Variants in SETBP1 observed in about 807,000 individuals in gnomAD.
SETBP1 encodes SET-binding protein.
A neutral mutation model predicts 101.0 loss-of-function variants in SETBP1; 9 were observed. That is an observed-to-expected ratio of 0.09 (90% CI 0.05 to 0.16). The LOEUF (loss-of-function observed/expected upper bound fraction) is 0.16, where lower values mean the gene tolerates loss of function less well. SETBP1 is among the 10% of genes least tolerant of loss of function. The pLI, the probability that SETBP1 is intolerant of heterozygous loss-of-function variation, is 1.00. For missense variants in SETBP1, 1,858 were observed against 2,033.8 expected (o/e 0.91, Z 1.66); for synonymous variants, 818 against 788.5 (o/e 1.04, Z -0.63).
At chr18:44,840,142 C>T (rs1333332977) in intron 2 of SETBP1, among the ~76,000 whole-genome samples, 1 of 152,218 alleles carries the variant, frequency 6.6e-6, no homozygotes, top group East Asian at 1.9e-4. Context: ...GTACACTTCT[C>T]TTTATGAGGC....
Position 44,876,976 on chromosome 18 carries a change from G to A in SETBP1, c.540+7693G>A. ...AGATAATGCATTAGGCGGCCCTGAT[G>A]CAGCATTCACTGTCTTCCAGGGCAG... On this transcript the variant is annotated intron_variant, in intron 3 of 5. Transcript: ENST00000649279. 3 of 1,235,034 alleles carry A rather than the reference G, an allele frequency of 2.4e-6. No homozygotes were observed. In the South Asian group the frequency reaches 9.9e-5, roughly 41 times the overall value. The allele number at this position is 1,235,034 out of a possible 1,614,324, so 76.5% of individuals were successfully genotyped here.
At chr18:44,987,487 T>C (rs2072266772) in intron 4 of SETBP1, 1 of 152,242 alleles carries the variant, frequency 6.6e-6, no homozygotes, top group Non-Finnish European at 1.5e-5. Context: ...GGAAATTCTT[T>C]CAAGCCCTGC....
intron 4 of SETBP1, among the ~76,000 whole-genome samples, chr18:44,968,476 G>A (rs2071770546): frequency 6.6e-6 from 1 of 152,160 alleles, no homozygotes. Flanking sequence ...GGACGACCTG[G>A]GGGGAAGCCA....
At chr18:44,948,534 A>AGATAGAT (rs1568232397) in intron 3 of SETBP1, among the ~76,000 whole-genome samples, 7 of 150,146 alleles carry the variant, frequency 4.7e-5, no homozygotes, top group African/African-American at 1.5e-4. Flanking sequence ...GATAGATGAT[A>AGATAGAT]GATAGATATT....
chr18:45,050,213 G>A (rs765701705), intron 5 of SETBP1, among the ~76,000 whole-genome samples: 3 of 152,222 alleles, frequency 2.0e-5, no homozygotes, highest in African/African-American at 4.8e-5. Flanking sequence ...TTGAGGGCAA[G>A]AGCAATGCAT....
rs1165603460 is a variant in SETBP1 at position 45,066,212 on chromosome 18, T to G, written c.*2514T>G. ...TTAGAATTTCCAAAGCTCTGAAAGA[T>G]ATTTCAGGAGATTTAACAGCAGAGT... On this transcript the variant is annotated 3_prime_UTR_variant, in exon 6 of 6. Transcript: ENST00000649279. 3.9e-5 allele frequency: 6 copies of G among 152,190 alleles called. No individual in the cohort carries two copies. The highest frequency in any genetic ancestry group is 8.8e-5 in the Non-Finnish European group (6 of 68,034). The allele number at this position is 152,190 out of a possible 1,614,324, so 9.4% of individuals were successfully genotyped here. A position where few individuals can be genotyped will look rare whatever the true frequency, so the allele number is the denominator to read the frequency against.
intron 5 of SETBP1, among the ~76,000 whole-genome samples, chr18:45,048,189 A>G (rs1042133218): frequency 2.0e-5 from 3 of 152,178 alleles, no homozygotes; most frequent in Admixed American, 2.0e-4. Context: ...GTACTGCCAT[A>G]CTTTTTAATC....
chr18:44,788,002 G>C (rs1229622542), intron 2 of SETBP1, among the ~76,000 whole-genome samples: 1 of 144,696 alleles, frequency 6.9e-6, no homozygotes, highest in Non-Finnish European at 1.5e-5. Context: ...GTTTATTGGA[G>C]TTTTTTTTTT....
intron 2 of SETBP1, among the ~76,000 whole-genome samples, chr18:44,708,075 G>A (rs1029871482): frequency 6.6e-6 from 1 of 152,210 alleles, no homozygotes; most frequent in African/African-American, 2.4e-5. Flanking sequence ...GTTTGGCAGA[G>A]GGTGAGGGGT....
intron 2 of SETBP1, among the ~76,000 whole-genome samples, chr18:44,763,882 T>A (rs951323767): frequency 6.6e-6 from 1 of 152,214 alleles, no homozygotes. Flanking sequence ...CCTCTAAACA[T>A]TGGAGTGCCT....
chr18:44,814,527 A>T (rs1433234163), intron 2 of SETBP1, among the ~76,000 whole-genome samples: 2 of 152,236 alleles, frequency 1.3e-5, no homozygotes, highest in African/African-American at 4.8e-5. Context: ...GGCAAATTTT[A>T]GGTGGCCTAG....
At chr18:44,852,909 G>A (rs1266377777) in intron 2 of SETBP1, among the ~76,000 whole-genome samples, 2 of 152,146 alleles carry the variant, frequency 1.3e-5, no homozygotes, top group Non-Finnish European at 2.9e-5. Flanking sequence ...AACCACTCAA[G>A]GGCTGATGAG....
Position 44,702,606 on chromosome 18 carries a change from TAGG to T in SETBP1, c.486+777_486+779del, listed in dbSNP as rs2069136147. 3.9e-5 allele frequency among the ~76,000 whole-genome samples: 6 copies of T among 152,304 alleles called. No individual in the cohort carries two copies. In the South Asian group the frequency reaches 1.2e-3, roughly 32 times the overall value. ...CTTTGTTTGCATTAGTTTTCATAGT[TAGG>T]AGTGAGATATTAAAAAATTTGAGTT... is the stretch of plus-strand genomic sequence containing the variant. On this transcript the variant is annotated intron_variant, in intron 2 of 5. Coordinates refer to ENST00000649279, the MANE Select transcript of SETBP1 (RefSeq NM_015559.3).
chr18:44,953,119 C>T lies in SETBP1; in HGVS notation c.3779C>T (p.Thr1260Met), dbSNP rs146524875. The change falls in exon 4 of 6, where the codon ACG becomes ATG. Residue 1260 changes from threonine to methionine, a missense_variant. Thr to Met is a moderately conservative substitution (Grantham distance 81). Around this residue, in one of 12 missense-constraint regions of SETBP1, gnomAD observed 417 missense variants for 389.1 expected, o/e 1.07. Transcript: ENST00000649279. ...DLSSEPVDSC[T>M]KRYSGSGGDG... ...AGCAGTGAGCCTGTGGACTCATGCA[C>T]GAAAAGATACTCTGGCAGTGGCGGG... is the stretch of plus-strand genomic sequence containing the variant. 90 of 1,614,050 alleles carry T rather than the reference C, an allele frequency of 5.6e-5. No homozygotes were observed. Among genetic ancestry groups the T allele is most frequent in the Admixed American group, 2.8e-4 (17 of 60,012 alleles).
intron 3 of SETBP1, among the ~76,000 whole-genome samples, chr18:44,929,573 A>G (rs1354142608): frequency 2.0e-5 from 3 of 152,130 alleles, no homozygotes; most frequent in Non-Finnish European, 4.4e-5. Context: ...ATGAGCATGG[A>G]ATGTTCTTCC....
intron 2 of SETBP1, among the ~76,000 whole-genome samples, chr18:44,800,825 G>A (rs2071591478): frequency 6.6e-6 from 1 of 152,130 alleles, no homozygotes; most frequent in African/African-American, 2.4e-5. Context: ...AAAGACACAT[G>A]CACACGTATG....
intron 3 of SETBP1, chr18:44,869,541 G>A (rs923238883): frequency 1.7e-5 from 8 of 482,746 alleles, no homozygotes; most frequent in Admixed American, 1.3e-4. Context: ...CAAGATGCTC[G>A]GAATGTTAAG....
intron 4 of SETBP1, among the ~76,000 whole-genome samples, chr18:44,974,500 G>A (rs1345727817): frequency 6.6e-6 from 1 of 152,248 alleles, no homozygotes; most frequent in South Asian, 2.1e-4. Context: ...ACCTGCTATG[G>A]TGTTTTCACT....
chr18:44,806,109 C>T (rs2071728191), intron 2 of SETBP1, among the ~76,000 whole-genome samples: 1 of 152,104 alleles, frequency 6.6e-6, no homozygotes, highest in South Asian at 2.1e-4. Flanking sequence ...ATACATGCAC[C>T]TGCCTACCAT....
Sources: gnomAD v4.1 joint callset for allele counts (sites outside exome capture counted in the v4.1 genomes callset) on GRCh38, gnomAD v4.1.1 for gene constraint, gnomAD v4.1.1 regional missense constraint, MANE v1.5 for transcripts, NCBI Gene and HGNC (gene_info 2026-07-23, HGNC 2026-07-21) for gene names.